PCDH9: variants seen among roughly 807,000 people sequenced by gnomAD.
The protein encoded by PCDH9 is protocadherin-9.
PCDH9 carries 24 observed loss-of-function variants against 70.6 expected under a neutral mutation model. The ratio of observed to expected loss-of-function variants is 0.34; its 90% CI spans 0.25 to 0.48. The LOEUF is 0.48. Ranked by LOEUF, PCDH9 falls within the 20% of genes least tolerant of loss-of-function variation. The pLI, the probability that PCDH9 is intolerant of heterozygous loss-of-function variation, is 0.99. For synonymous variants in PCDH9, 562 were observed against 558.5 expected, an observed-to-expected ratio of 1.01 and a Z score of -0.09; for missense variants, 1,281 against 1,503.6, an observed-to-expected ratio of 0.85 and a Z score of 2.45.
At chr13:67,091,079 T>G (rs2086208634) in intron 2 of PCDH9, among the ~76,000 whole-genome samples, 1 of 152,090 alleles carries the variant, frequency 6.6e-6, no homozygotes, top group Non-Finnish European at 1.5e-5. Context: ...ATGACTCAGT[T>G]TCAACTTCTT....
rs556238342 is a variant in PCDH9 at position 66,944,947 on chromosome 13, T to C, written c.3037-41342A>G. Among the ~76,000 whole-genome samples, 5 of 152,030 alleles carry C rather than the reference T, an allele frequency of 3.3e-5. No individual in the cohort carries two copies. The East Asian group carries it at 9.7e-4, about 30-fold the overall frequency. On this transcript the variant is annotated intron_variant, in intron 2 of 4. Transcript: ENST00000377865. ...CCTAAATTCTGAGTTGATTATTCTGTTGTGGCTCAGGACACACTACCCTAA... is the reference window on the plus strand; with the variant it reads ...CCTAAATTCTGAGTTGATTATTCTGCTGTGGCTCAGGACACACTACCCTAA...
At chr13:66,785,335 G>A (rs1330636004) in intron 3 of PCDH9, among the ~76,000 whole-genome samples, 1 of 151,654 alleles carries the variant, frequency 6.6e-6, no homozygotes, top group Admixed American at 6.6e-5. Flanking sequence ...AGACTTGAGT[G>A]TTTTTAGTAT....
intron 4 of PCDH9, among the ~76,000 whole-genome samples, chr13:66,433,023 A>T (rs1957801052): frequency 6.6e-6 from 1 of 152,002 alleles, no homozygotes; most frequent in African/African-American, 2.4e-5. Flanking sequence ...TAAATCATAT[A>T]AATGACAGTC....
Position 66,489,678 on chromosome 13 carries a change from A to C in PCDH9, c.3340+141532T>G, listed in dbSNP as rs141252679. Among the ~76,000 whole-genome samples the C allele has an allele frequency of 4.6e-3, 706 of 152,258 alleles. 32 individuals carry two copies. The East Asian group carries it at 0.092, about 20-fold the overall frequency. ...CTTATAAATCTACCTTCTCCACTGC[A>C]AATCCCATGAAGAAATTTCCATCTG... is the stretch of plus-strand genomic sequence containing the variant. On this transcript the variant is annotated intron_variant, in intron 4 of 4. Coordinates refer to ENST00000377865, the MANE Select transcript of PCDH9 (RefSeq NM_203487.3).
At chr13:66,326,523 A>AGC (rs1477767206) in intron 4 of PCDH9, among the ~76,000 whole-genome samples, 2 of 151,642 alleles carry the variant, frequency 1.3e-5, no homozygotes, top group African/African-American at 4.8e-5. Context: ...GGTTTACGCC[A>AGC]TTCTCCTGCC....
chr13:67,226,795 G>A lies in PCDH9; in HGVS notation c.1646C>T (p.Thr549Ile), dbSNP rs879182916. 1 of 1,613,980 alleles carries A rather than the reference G, an allele frequency of 6.2e-7. No homozygotes were observed. Among genetic ancestry groups the A allele is most frequent in the Non-Finnish European group, 8.5e-7 (1 of 1,179,926 alleles). ...AGCCGCTTGGCTTTGGAGGGGAGGG[G>A]TCCCATTGTCCCTGGCAGTTACTGT... ...IFTVTARDNG[T>I]PPLQSQAAVI... Residue 549 changes from threonine (T) to isoleucine (I), a missense_variant, in exon 2 of 5, where the codon ACC becomes ATC. Physicochemically the swap from Thr to Ile is moderately conservative, Grantham distance 89. This residue lies in a region of PCDH9 where 798 missense variants were observed against 1,003.1 expected (regional missense o/e 0.80). Transcript: ENST00000377865. The surrounding 1 kb of genome is among the most constrained non-coding windows in gnomAD (Gnocchi z 5.0).
At chr13:66,362,356 A>C (rs1223401197) in intron 4 of PCDH9, among the ~76,000 whole-genome samples, 1 of 152,104 alleles carries the variant, frequency 6.6e-6, no homozygotes, top group Non-Finnish European at 1.5e-5. Flanking sequence ...TTTCAATACT[A>C]TTCAGTTTAA....
intron 2 of PCDH9, among the ~76,000 whole-genome samples, chr13:67,027,170 C>A (rs1344033573): frequency 6.6e-6 from 1 of 152,184 alleles, no homozygotes; most frequent in East Asian, 1.9e-4. Flanking sequence ...AACTATACTA[C>A]AAGGCTACAG....
chr13:66,942,048 C>T (rs2083014309), intron 2 of PCDH9, among the ~76,000 whole-genome samples: 1 of 151,754 alleles, frequency 6.6e-6, no homozygotes, highest in Non-Finnish European at 1.5e-5. Context: ...AAACGAAGTA[C>T]TACACTTCAA....
chr13:66,654,607 C>T (rs2077901644), intron 3 of PCDH9, among the ~76,000 whole-genome samples: 1 of 152,016 alleles, frequency 6.6e-6, no homozygotes, highest in African/African-American at 2.4e-5. Flanking sequence ...CTACTGTGTA[C>T]ACACAAAAAT....
chr13:67,008,836 A>G (rs1468949543), intron 2 of PCDH9, among the ~76,000 whole-genome samples: 1 of 152,112 alleles, frequency 6.6e-6, no homozygotes, highest in African/African-American at 2.4e-5. Flanking sequence ...AATTCTGAAT[A>G]CCCACGGTGC....
At chr13:67,043,318 G>A (rs73211182) in intron 2 of PCDH9, among the ~76,000 whole-genome samples, 7,386 of 152,224 alleles carry the variant, frequency 0.049, 240 homozygotes, top group Non-Finnish European at 0.081. Flanking sequence ...AAGAGTGATT[G>A]TGGCATGAAG....
At chr13:66,447,123 A>T (rs1958106768) in intron 4 of PCDH9, among the ~76,000 whole-genome samples, 1 of 152,186 alleles carries the variant, frequency 6.6e-6, no homozygotes, top group African/African-American at 2.4e-5. Context: ...ATACTTCTCT[A>T]TTTACGGTCG....
At chr13:66,533,184 T>G (rs569277925) in intron 4 of PCDH9, among the ~76,000 whole-genome samples, 1 of 152,148 alleles carries the variant, frequency 6.6e-6, no homozygotes. Context: ...ACCAGCTGTT[T>G]CCAGATAATC....
intron 3 of PCDH9, among the ~76,000 whole-genome samples, chr13:66,782,208 C>G (rs897140066): frequency 3.3e-5 from 5 of 152,098 alleles, no homozygotes; most frequent in Non-Finnish European, 7.4e-5. Context: ...TGAAAAAATC[C>G]TTAATTCCTA....
intron 2 of PCDH9, among the ~76,000 whole-genome samples, chr13:67,092,472 G>A (rs886855209): frequency 2.0e-5 from 3 of 152,088 alleles, no homozygotes; most frequent in African/African-American, 7.2e-5. Context: ...TATATGCATA[G>A]CTATTAGAAT....
chr13:67,130,429 T>A (rs944940171), intron 2 of PCDH9, among the ~76,000 whole-genome samples: 2 of 151,946 alleles, frequency 1.3e-5, no homozygotes, highest in Non-Finnish European at 2.9e-5. Flanking sequence ...ACTTAATAGA[T>A]CTAAAATCTA....
intron 2 of PCDH9, among the ~76,000 whole-genome samples, chr13:66,910,771 C>A (rs1410125270): frequency 1.3e-5 from 2 of 151,972 alleles, no homozygotes; most frequent in Non-Finnish European, 1.5e-5. Flanking sequence ...GTACCGTAAC[C>A]AAAAAATAGC....
At chr13:66,757,994 A>C (rs926662005) in intron 3 of PCDH9, among the ~76,000 whole-genome samples, 2 of 152,106 alleles carry the variant, frequency 1.3e-5, no homozygotes, top group African/African-American at 4.8e-5. Context: ...ATTAATGAAC[A>C]TACAAATAAT....
Sources: allele counts gnomAD v4.1 joint callset (sites outside exome capture counted in the v4.1 genomes callset), GRCh38; gene constraint gnomAD v4.1.1; regional missense constraint gnomAD v4.1.1; non-coding constraint Gnocchi (gnomAD v3.1); transcripts MANE v1.5; gene names NCBI Gene and HGNC (gene_info 2026-07-23, HGNC 2026-07-21).